Variants in CAMKMT observed in about 807,000 individuals in gnomAD.
CAMKMT encodes the protein CaM KMT.
CAMKMT carries 53 observed loss-of-function variants against 48.0 expected under a neutral mutation model. That is an observed-to-expected ratio of 1.10 (90% CI 0.89 to 1.39). CAMKMT has a LOEUF of 1.39. CAMKMT is among the 40% of genes most tolerant of loss of function. The pLI is 0.00. For missense variants in CAMKMT, 428 were observed against 402.7 expected (o/e 1.06, Z -0.54); for synonymous variants, 165 against 152.3 (o/e 1.08, Z -0.61).
intron 3 of CAMKMT, among the ~76,000 whole-genome samples, chr2:44,570,393 T>G (rs926989427): frequency 6.6e-6 from 1 of 152,132 alleles, no homozygotes; most frequent in Non-Finnish European, 1.5e-5. Flanking sequence ...GACTGAACTA[T>G]GATGAAATCC....
At chr2:44,537,669 TC>T (rs1317650682) in intron 3 of CAMKMT, among the ~76,000 whole-genome samples, 1 of 152,030 alleles carries the variant, frequency 6.6e-6, no homozygotes, top group Non-Finnish European at 1.5e-5. Flanking sequence ...GCTCAAGTGA[TC>T]CTCCCACCTC....
In CAMKMT at chr2:44,680,319, T is replaced by C. The variant is rs549660356; in HGVS notation, c.377-23964T>C. Among the ~76,000 whole-genome samples, 7 of 152,180 alleles carry C rather than the reference T, an allele frequency of 4.6e-5. No individual in the cohort carries two copies. The South Asian group carries it at 1.5e-3, about 32-fold the overall frequency. ...CTATTATTTTCCCTTTTCATGGGAGTGTGCTCAGCAAAATGAGATTGTCAC... is the reference window on the plus strand; with the variant it reads ...CTATTATTTTCCCTTTTCATGGGAGCGTGCTCAGCAAAATGAGATTGTCAC... On this transcript the variant is annotated intron_variant, in intron 3 of 10. Coordinates refer to ENST00000378494, the MANE Select transcript of CAMKMT (RefSeq NM_024766.5).
At chr2:44,623,037 G>T (rs1672285089) in intron 3 of CAMKMT, among the ~76,000 whole-genome samples, 1 of 152,278 alleles carries the variant, frequency 6.6e-6, no homozygotes, top group South Asian at 2.1e-4. Flanking sequence ...GTTCTGACCA[G>T]TGTGAGATGG....
At chr2:44,697,028 T>C (rs2104242471) in intron 3 of CAMKMT, among the ~76,000 whole-genome samples, 1 of 152,190 alleles carries the variant, frequency 6.6e-6, no homozygotes, top group Admixed American at 6.5e-5. Flanking sequence ...AAAAGATTTT[T>C]TAAAATAAAA....
At chr2:44,655,933 T>C (rs1366224060) in intron 3 of CAMKMT, among the ~76,000 whole-genome samples, 2 of 152,286 alleles carry the variant, frequency 1.3e-5, no homozygotes, top group Non-Finnish European at 2.9e-5. Flanking sequence ...TTGTGCTAAC[T>C]AAAAGAGACA....
chr2:44,407,272 T>A (rs191033832), intron 3 of CAMKMT, among the ~76,000 whole-genome samples: 15 of 152,296 alleles, frequency 9.8e-5, no homozygotes, highest in Admixed American at 3.9e-4. Context: ...GTATGACAGA[T>A]CTCTGTGCTC....
At chr2:44,374,600 A>G (rs1319909946) in intron 2 of CAMKMT, among the ~76,000 whole-genome samples, 1 of 152,222 alleles carries the variant, frequency 6.6e-6, no homozygotes, top group East Asian at 1.9e-4. Context: ...TCTTCTTGAG[A>G]TCTTTCAAAG....
At chr2:44,463,162 T>C (rs1173744384) in intron 3 of CAMKMT, among the ~76,000 whole-genome samples, 1 of 152,232 alleles carries the variant, frequency 6.6e-6, no homozygotes, top group Non-Finnish European at 1.5e-5. Context: ...TTTAAGTTGT[T>C]CCAGTTTGGA....
At chr2:44,429,510 C>G (rs906768009) in intron 3 of CAMKMT, among the ~76,000 whole-genome samples, 1 of 152,016 alleles carries the variant, frequency 6.6e-6, no homozygotes, top group African/African-American at 2.4e-5. Context: ...ATGACTCTTC[C>G]AAGGTTTTTG....
chr2:44,566,099 A>T (rs1408194137), intron 3 of CAMKMT, among the ~76,000 whole-genome samples: 1 of 152,236 alleles, frequency 6.6e-6, no homozygotes, highest in East Asian at 1.9e-4. Flanking sequence ...GTATAGTATT[A>T]TGATCTACTC....
At chr2:44,588,889 A>C (rs1280303576) in intron 3 of CAMKMT, among the ~76,000 whole-genome samples, 1 of 11,390 alleles carries the variant, frequency 8.8e-5, no homozygotes. Flanking sequence ...TCAGCCCCCG[A>C]CCCGGCCATC....
At chr2:44,408,118 C>T (rs1201501752) in intron 3 of CAMKMT, among the ~76,000 whole-genome samples, 1 of 150,814 alleles carries the variant, frequency 6.6e-6, no homozygotes, top group Non-Finnish European at 1.5e-5. Flanking sequence ...CTCCACCTCC[C>T]AGGTTCAAGC....
At chr2:44,461,805 T>A (rs1667862696) in intron 3 of CAMKMT, among the ~76,000 whole-genome samples, 1 of 152,202 alleles carries the variant, frequency 6.6e-6, no homozygotes, top group Non-Finnish European at 1.5e-5. Context: ...CTAGTTAGAA[T>A]GATAATACGA....
chr2:44,471,476 T>G (rs1011189658), intron 3 of CAMKMT, among the ~76,000 whole-genome samples: 4 of 151,950 alleles, frequency 2.6e-5, no homozygotes, highest in Non-Finnish European at 5.9e-5. Context: ...GGTGGGTGCC[T>G]GTCGTCCCAG....
chr2:44,640,912 A>C (rs949104969), intron 3 of CAMKMT, among the ~76,000 whole-genome samples: 4 of 152,188 alleles, frequency 2.6e-5, no homozygotes, highest in Admixed American at 2.0e-4. Flanking sequence ...TGCCTCTTGA[A>C]ATCATGAGTT....
intron 3 of CAMKMT, among the ~76,000 whole-genome samples, chr2:44,479,061 GTT>G (rs1668838420): frequency 6.6e-6 from 1 of 152,282 alleles, no homozygotes; most frequent in Admixed American, 6.5e-5. Context: ...ATTCTTAAAT[GTT>G]TGAGTTTACT....
At position 44,715,373 on chromosome 2, in the gene CAMKMT, T is replaced by TA. The variant is rs752446827; in HGVS notation, c.623+26dup. On this transcript the variant is annotated intron_variant, in intron 7 of 10. Transcript: ENST00000378494. The stretch of plus-strand genomic sequence containing the variant: ...AAGCTGGTAAGATACCTTTCTGCAT[T>TA]AAAAAATTCCCATTGAAATTGCTTT... The TA allele has an allele frequency of 4.0e-5, 63 of 1,584,654 alleles. No homozygotes were observed. In the East Asian group the frequency reaches 8.7e-4, roughly 22 times the overall value.
intron 3 of CAMKMT, among the ~76,000 whole-genome samples, chr2:44,594,131 G>A (rs1670500715): frequency 6.6e-6 from 1 of 152,224 alleles, no homozygotes; most frequent in African/African-American, 2.4e-5. Flanking sequence ...TCTGCAAGGA[G>A]AACTACAAAT....
At chr2:44,760,962 TGCCAG>T (rs1305582360) in intron 9 of CAMKMT, among the ~76,000 whole-genome samples, 1 of 152,204 alleles carries the variant, frequency 6.6e-6, no homozygotes, top group East Asian at 1.9e-4. Flanking sequence ...CCAGTCACTG[TGCCAG>T]GCCCCGGGGA....
Sources: gnomAD v4.1 joint callset for allele counts (sites outside exome capture counted in the v4.1 genomes callset) on GRCh38, gnomAD v4.1.1 for gene constraint, MANE v1.5 for transcripts, NCBI Gene and HGNC (gene_info 2026-07-23, HGNC 2026-07-21) for gene names.